Variants in FAAP24 observed in about 807,000 individuals in gnomAD.
FAAP24 encodes the protein FA core complex associated protein 24.
In FAAP24, 16 loss-of-function variants were observed where a neutral mutation model predicts 14.3. That is an observed-to-expected ratio of 1.12 (90% CI 0.76 to 1.69). The LOEUF is 1.69. Among genes scored for constraint, FAAP24 ranks in the 40% most tolerant of loss-of-function variants. The probability of loss-of-function intolerance (pLI) is 0.00; values close to 1 mark genes in which losing one functional copy is unlikely to be tolerated. For synonymous variants in FAAP24, 111 were observed against 106.2 expected, an observed-to-expected ratio of 1.04 and a Z score of -0.28; for missense variants, 234 against 262.7, an observed-to-expected ratio of 0.89 and a Z score of 0.75.
chr19:32,977,713 G>T lies in FAAP24; in HGVS notation c.*1031G>T, dbSNP rs1971539068. ...AGGGGGGTGAATCACAAGGTCAGGA[G>T]ATCCAGACCATCCTGGCCGACATGG... On this transcript the variant is annotated 3_prime_UTR_variant, in exon 5 of 5. Coordinates refer to ENST00000588258, the MANE Select transcript of FAAP24 (RefSeq NM_152266.5). The T allele has an allele frequency of 6.2e-6, 2 of 323,350 alleles. No homozygotes were observed. The highest frequency in any genetic ancestry group is 8.3e-4 in the Middle Eastern group (1 of 1,204). 20.0% of individuals were successfully genotyped at this position (323,350 alleles called of 1,614,324 possible). A position where few individuals can be genotyped will look rare whatever the true frequency, so the allele number is the denominator to read the frequency against.
rs764842019 is a variant in FAAP24, at chr19:32,974,231, A to C, written c.396+19A>C. 6.2e-7 allele frequency: 1 copy of C among 1,606,944 alleles called. No homozygotes were observed. Among genetic ancestry groups the C allele is most frequent in the Non-Finnish European group, 8.5e-7 (1 of 1,177,420 alleles). ...CCAGTTGGTGAGTACCGATTCCTAC[A>C]CCTTCGTGGTAGTCCTGTCCTCATG... is the stretch of plus-strand genomic sequence containing the variant. On this transcript the variant is annotated intron_variant, in intron 4 of 4. Coordinates refer to ENST00000588258, the MANE Select transcript of FAAP24 (RefSeq NM_152266.5).
Position 32,977,451 on chromosome 19 carries a change from G to T in FAAP24, c.*769G>T. On this transcript the variant is annotated 3_prime_UTR_variant, in exon 5 of 5. Transcript: ENST00000588258. ...CATCAGGTCTGGCCTTCATATACCC[G>T]TACTGCGAGGGCTGTTTCCAATGTA... is the stretch of plus-strand genomic sequence containing the variant. 1 of 398,536 alleles carries T rather than the reference G, an allele frequency of 2.5e-6. No homozygotes were observed. The highest frequency in any genetic ancestry group is 4.4e-6 in the Non-Finnish European group (1 of 226,068). The allele number at this position is 398,536 out of a possible 1,614,324, so 24.7% of individuals were successfully genotyped here.
At chr19:32,975,747 C>G (rs1022830086) in intron 4 of FAAP24, among the ~76,000 whole-genome samples, 12 of 152,144 alleles carry the variant, frequency 7.9e-5, no homozygotes, top group Middle Eastern at 3.2e-3. Flanking sequence ...CGTGAGCCAT[C>G]GCGCCCGGCC....
At chr19:32,974,345 T>C (rs533397207) in intron 4 of FAAP24, 133 bp downstream of exon 4, 1 of 1,050,488 alleles carries the variant, frequency 9.5e-7, no homozygotes, top group East Asian at 2.7e-5. Flanking sequence ...GGAATTTAAA[T>C]GCGGAAGCTG....
chr19:32,973,251 A>G lies in FAAP24; in HGVS notation c.55A>G (p.Ile19Val). The G allele has an allele frequency of 6.2e-7, 1 of 1,613,972 alleles. No homozygotes were observed. Among genetic ancestry groups the G allele is most frequent in the Non-Finnish European group, 8.5e-7 (1 of 1,180,006 alleles). Residue 19 changes from isoleucine to valine, a missense_variant, in exon 2 of 5, where the codon ATT becomes GTT. Physicochemically the swap from Ile to Val is conservative, Grantham distance 29 (BLOSUM62 3). Coordinates refer to ENST00000588258, the MANE Select transcript of FAAP24 (RefSeq NM_152266.5). The part of the protein sequence containing the change: ...TGPVHVPLGH[I>V]VANEKWRGSQ... Reference sequence around the variant, plus strand: ...CCCCGTGCACGTGCCTTTGGGGCATATTGTGGCCAATGAGAAATGGCGCGG... The same window carrying G: ...CCCCGTGCACGTGCCTTTGGGGCATGTTGTGGCCAATGAGAAATGGCGCGG...
Position 32,973,510 on chromosome 19 carries a change from CT to C in FAAP24, c.192del (p.Asp65IlefsTer25), listed in dbSNP as rs1339412787. On this transcript the variant is annotated frameshift_variant, in exon 3 of 5. Transcript: ENST00000588258. LOFTEE classifies it high-confidence loss of function. Reference sequence around the variant, plus strand: ...TGCTGCATTCTTTATGTCACCGAAGCTGATTTGGTGGCAGGAAATGGCTACA... The same window carrying C: ...TGCTGCATTCTTTATGTCACCGAAGCGATTTGGTGGCAGGAAATGGCTACA... ...NRCCILYVTE[A>X]DLVAGNGYRK... 1 of 1,614,200 alleles carries C rather than the reference CT, an allele frequency of 6.2e-7. No individual in the cohort carries two copies. Among genetic ancestry groups the C allele is most frequent in the Non-Finnish European group, 8.5e-7 (1 of 1,180,044 alleles).
chr19:32,973,347 T>TA (rs536928664), intron 2 of FAAP24, 45 bp downstream of exon 2: 23,518 of 1,024,962 alleles, frequency 0.023, 4 homozygotes, highest in South Asian at 0.047. Context: ...CCTGACATAT[T>TA]AAAAAAAAAA....
chr19:32,975,991 G>A (rs1005806825), intron 4 of FAAP24, among the ~76,000 whole-genome samples: 6 of 152,146 alleles, frequency 3.9e-5, no homozygotes, highest in East Asian at 1.9e-4. Context: ...TTGCGTCACC[G>A]TTCCTAACTT....
In FAAP24 at chr19:32,974,110, A is replaced by G. The variant is rs780340692; in HGVS notation, c.294A>G (p.Glu98=). Residue 98 remains glutamate, a synonymous_variant, in exon 4 of 5, where the codon GAA becomes GAG. Transcript: ENST00000588258. The part of the protein sequence containing the change: ...IVVVEKTRMS[E]QYFPALQKFT... ...TCGTTGAAAAAACCCGGATGAGTGA[A>G]CAATACTTCCCAGCCCTACAGAAGT... 2 of 1,614,188 alleles carry G rather than the reference A, an allele frequency of 1.2e-6. No individual in the cohort carries two copies. Among genetic ancestry groups the G allele is most frequent in the South Asian group, 1.1e-5 (1 of 91,078 alleles).
intron 3 of FAAP24, 58 bp from the exon 4 acceptor site, chr19:32,974,002 T>G (rs942524142): frequency 6.4e-7 from 1 of 1,573,868 alleles, no homozygotes; most frequent in African/African-American, 1.4e-5. Context: ...GTGATAGCAT[T>G]CTTAACCTGA....
chr19:32,973,403 C>T, intron 2 of FAAP24, 23 bp from the exon 3 acceptor site: 1 of 1,610,856 alleles, frequency 6.2e-7, no homozygotes, highest in South Asian at 1.1e-5. Context: ...TTATGGAACT[C>T]ATTTTCTTCT....
rs2145989005 is a variant in FAAP24, at chr19:32,973,320, T to C, written c.106+18T>C. The C allele has an allele frequency of 3.1e-6, 5 of 1,613,000 alleles. No homozygotes were observed. The South Asian group carries it at 5.5e-5, about 18-fold the overall frequency. The stretch of plus-strand genomic sequence containing the variant: ...GATGCAAGGTCGGTGGCCTGCCCTC[T>C]GCCAGCCCTTTCCTCCCCTGACATA... On this transcript the variant is annotated intron_variant, in intron 2 of 4. Coordinates refer to ENST00000588258, the MANE Select transcript of FAAP24 (RefSeq NM_152266.5).
At position 32,973,244 on chromosome 19, in the gene FAAP24, G is replaced by T. The variant is rs764976500; in HGVS notation, c.48G>T (p.Leu16Phe). 6.2e-7 allele frequency: 1 copy of T among 1,613,994 alleles called. No homozygotes were observed. Residue 16 changes from leucine to phenylalanine, a missense_variant, in exon 2 of 5, where the codon TTG becomes TTT. Coordinates refer to ENST00000588258, the MANE Select transcript of FAAP24 (RefSeq NM_152266.5). ...PDDTGPVHVP[L>F]GHIVANEKWR... Reference sequence around the variant, plus strand: ...ATACGGGCCCCGTGCACGTGCCTTTGGGGCATATTGTGGCCAATGAGAAAT... The same window carrying T: ...ATACGGGCCCCGTGCACGTGCCTTTTGGGCATATTGTGGCCAATGAGAAAT...
Position 32,973,466 on chromosome 19 carries a change from CTT to C in FAAP24, c.150_151del (p.Phe50LeufsTer15), listed in dbSNP as rs747410375. 12 of 1,614,100 alleles carry C rather than the reference CTT, an allele frequency of 7.4e-6. No homozygotes were observed. In the Admixed American group the frequency reaches 1.2e-4, roughly 16 times the overall value. ...TTTTCGAGGATGGCTTGACACCAGA[CTT>C]TTATCTGTCGAACAGATGCTGCATT... Reference protein sequence around the residue: ...LIFEDGLTPDFYLSNRCCILY... With the variant: ...LIFEDGLTPDXYLSNRCCILY... On this transcript the variant is annotated frameshift_variant, in exon 3 of 5. Coordinates refer to ENST00000588258, the MANE Select transcript of FAAP24 (RefSeq NM_152266.5). LOFTEE classifies it high-confidence loss of function.
intron 1 of FAAP24, among the ~76,000 whole-genome samples, chr19:32,972,572 C>T (rs2145987418): frequency 6.6e-6 from 1 of 152,206 alleles, no homozygotes; most frequent in African/African-American, 2.4e-5. Context: ...CTACCATGCC[C>T]AGCCCAGGAT....
rs748623265 is a variant in FAAP24 at position 32,973,203 on chromosome 19, A to C, written c.7A>C (p.Lys3Gln). Residue 3 changes from lysine (K) to glutamine (Q), a missense_variant, in exon 2 of 5, where the codon AAG (lysine) becomes CAG (glutamine). Transcript: ENST00000588258. ME[K>Q]NPPDDTGPVH... Reference sequence around the variant, plus strand: ...CCTTAGGTGGAGACCATCCATGGAAAAGAACCCCCCTGATGATACGGGCCC... The same window carrying C: ...CCTTAGGTGGAGACCATCCATGGAACAGAACCCCCCTGATGATACGGGCCC... 1 of 1,613,080 alleles carries C rather than the reference A, an allele frequency of 6.2e-7. No individual in the cohort carries two copies. The highest frequency in any genetic ancestry group is 2.2e-5 in the East Asian group (1 of 44,876).
In FAAP24 at chr19:32,976,980, G is replaced by A. The variant is rs1971528140; in HGVS notation, c.*298G>A. On this transcript the variant is annotated 3_prime_UTR_variant, in exon 5 of 5. Coordinates refer to ENST00000588258, the MANE Select transcript of FAAP24 (RefSeq NM_152266.5). ...CACTTGAACCCGGGAGGCGGAGGTTGCAGTGAGCTGAGATCGTGCCACTGC... is the reference window on the plus strand; with the variant it reads ...CACTTGAACCCGGGAGGCGGAGGTTACAGTGAGCTGAGATCGTGCCACTGC... 1.2e-5 allele frequency: 6 copies of A among 484,648 alleles called. No homozygotes were observed. The highest frequency in any genetic ancestry group is 6.4e-5 in the East Asian group (2 of 31,446). The allele number at this position is 484,648 out of a possible 1,614,324, so 30.0% of individuals were successfully genotyped here. A position where few individuals can be genotyped will look rare whatever the true frequency, so the allele number is the denominator to read the frequency against.
chr19:32,976,349 G>C (rs1205341929), intron 4 of FAAP24, 82 bp from the exon 5 acceptor site: 3 of 1,507,686 alleles, frequency 2.0e-6, no homozygotes, highest in Admixed American at 2.3e-5. Flanking sequence ...ATGGAAAAAC[G>C]CAATTTCTAC....
At position 32,972,268 on chromosome 19, in the gene FAAP24, C is replaced by T. The variant is rs1411620784; in HGVS notation, c.-92C>T. On this transcript the variant is annotated 5_prime_UTR_variant, in exon 1 of 5. Coordinates refer to ENST00000588258, the MANE Select transcript of FAAP24 (RefSeq NM_152266.5). Reference sequence around the variant, plus strand: ...TGAACCCGGAAGGTGGCGCGGCCACCAGTAACATGATCTCTAGACTGGGAC... The same window carrying T: ...TGAACCCGGAAGGTGGCGCGGCCACTAGTAACATGATCTCTAGACTGGGAC... 6.6e-6 allele frequency: 3 copies of T among 457,408 alleles called. No individual in the cohort carries two copies. Among genetic ancestry groups the T allele is most frequent in the Non-Finnish European group, 1.2e-5 (3 of 256,640 alleles). 28.3% of individuals were successfully genotyped at this position (457,408 alleles called of 1,614,324 possible). A position where few individuals can be genotyped will look rare whatever the true frequency, so the allele number is the denominator to read the frequency against.
Sources: allele counts gnomAD v4.1 joint callset (sites outside exome capture counted in the v4.1 genomes callset), GRCh38; gene constraint gnomAD v4.1.1; transcripts MANE v1.5; gene names NCBI Gene and HGNC (gene_info 2026-07-23, HGNC 2026-07-21).